The following XIST variants were observed in gnomAD, a reference collection of about 807,000 sequenced individuals.
The protein encoded by XIST is X inactive specific transcript (non-protein coding).
At chrX:73,850,819 G>A (rs1311718481) in exon 1 of XIST, 2 of 515,323 alleles carry the variant, frequency 3.9e-6, no homozygotes, top group South Asian at 2.5e-5. Context: ...AGGAATGGAG[G>A]GAGGTTCAGA....
At chrX:73,827,611 TA>T in exon 6 of XIST, 1 of 547,348 alleles carries the variant, frequency 1.8e-6, no homozygotes, top group Non-Finnish European at 3.3e-6. Context: ...AGGTGAAATT[TA>T]AAACGAACGA....
chrX:73,845,136 G>A (rs754210387), exon 1 of XIST: 1 of 554,954 alleles, frequency 1.8e-6, no homozygotes, highest in East Asian at 3.3e-5. Context: ...GCATGGTTGT[G>A]GTCACATACA....
chrX:73,829,911 A>G (rs1206573816), intron 4 of XIST, among the ~76,000 whole-genome samples: 1 of 110,670 alleles, frequency 9.0e-6, no homozygotes, highest in Non-Finnish European at 1.9e-5. Context: ...AGGGAAAAAC[A>G]TAAGGTCTTC....
exon 1 of XIST, chrX:73,842,373 G>A (rs1307790844): frequency 1.8e-6 from 1 of 550,863 alleles, no homozygotes; most frequent in South Asian, 2.3e-5. Context: ...ATAAAGGATG[G>A]CAATCCAGCT....
chrX:73,822,665 G>GT (rs1922150864), exon 6 of XIST: 1 of 529,095 alleles, frequency 1.9e-6, no homozygotes, highest in African/African-American at 2.3e-5. Context: ...TTGATGAAGA[G>GT]TATCACTTCA....
At chrX:73,829,389 C>T (rs73486562) in intron 4 of XIST, 204 of 411,740 alleles carry the variant, frequency 5.0e-4, no homozygotes, top group African/African-American at 4.6e-3. Flanking sequence ...AGAAAATTTC[C>T]TCATTCAACA....
exon 6 of XIST, chrX:73,824,613 G>A (rs760727032): frequency 3.6e-6 from 2 of 553,447 alleles, no homozygotes; most frequent in Non-Finnish European, 6.5e-6. Context: ...GAATTTTGTA[G>A]AGACAATACC....
At chrX:73,846,043 T>C (rs760422150) in exon 1 of XIST, 10 of 554,566 alleles carry the variant, frequency 1.8e-5, no homozygotes, top group Admixed American at 1.1e-4. Context: ...TGCACCTTGA[T>C]TGTCCAAACG....
At chrX:73,827,792 G>C (rs1476409008) in exon 6 of XIST, 2 of 537,150 alleles carry the variant, frequency 3.7e-6, no homozygotes, top group East Asian at 6.7e-5. Context: ...AGAGCAAAGA[G>C]AAATAGCAAC....
At chrX:73,841,481 G>A (rs781087092) in exon 1 of XIST, 6 of 557,657 alleles carry the variant, frequency 1.1e-5, no homozygotes, top group South Asian at 6.7e-5. Context: ...ATCCTTCTCC[G>A]AGAAACAATA....
At chrX:73,827,116 C>T in exon 6 of XIST, 1 of 558,732 alleles carries the variant, frequency 1.8e-6, no homozygotes, top group Non-Finnish European at 3.2e-6. Context: ...TATGAGCCTT[C>T]CACCTTCTGC....
At chrX:73,827,338 G>C (rs377405460) in exon 6 of XIST, 38 of 556,577 alleles carry the variant, frequency 6.8e-5, no homozygotes, top group African/African-American at 4.5e-4. Context: ...TATTTAAGGA[G>C]AGATTACATG....
chrX:73,850,067 C>A, exon 1 of XIST: 1 of 558,800 alleles, frequency 1.8e-6, no homozygotes, highest in East Asian at 3.2e-5. Context: ...GGTGATTAGT[C>A]AATTAGTGCA....
rs774575653 is a variant in XIST, at chrX:73,842,824, A to G, written n.9900T>C. ...AAAGGGGCAGGGCAGAGGGAAGGGA[A>G]GAGGGAGACAGCACAATCTTACCTA... is the stretch of plus-strand genomic sequence containing the variant. On this transcript the variant is annotated non_coding_transcript_exon_variant, in exon 1 of 6. Coordinates refer to ENST00000429829, the Ensembl canonical transcript of XIST. 2.7e-4 allele frequency: 151 copies of G among 556,486 alleles called. 1 individual carries two copies. Among genetic ancestry groups the G allele is most frequent in the South Asian group, 1.9e-3 (85 of 44,763 alleles). 45.9% of individuals were successfully genotyped at this position (556,486 alleles called of 1,213,427 possible). A position where few individuals can be genotyped will look rare whatever the true frequency, so the allele number is the denominator to read the frequency against.
At chrX:73,825,767 C>G (rs1185657430) in exon 6 of XIST, 1 of 517,053 alleles carries the variant, frequency 1.9e-6, no homozygotes, top group South Asian at 2.4e-5. Context: ...TTACACTGCA[C>G]TTTCAAATGT....
chrX:73,827,830 G>C (rs770870167), exon 6 of XIST: 2 of 530,128 alleles, frequency 3.8e-6, no homozygotes, highest in African/African-American at 2.3e-5. Context: ...ATATGTCTAA[G>C]ACAAGACACA....
intron 4 of XIST, chrX:73,829,300 G>T: frequency 2.1e-6 from 1 of 468,172 alleles, no homozygotes; most frequent in South Asian, 3.3e-5. Flanking sequence ...AGTTACATAA[G>T]ATTCAAATTA....
rs752143298 is a variant in XIST, at chrX:73,824,859, C to T, written n.15042G>A. ...GATTGTTTAAAATTAAGCAATATAT[C>T]ATTCCTTACATCTGAATAGTATAGA... On this transcript the variant is annotated non_coding_transcript_exon_variant, in exon 6 of 6. Coordinates refer to ENST00000429829, the Ensembl canonical transcript of XIST. 4 of 555,689 alleles carry T rather than the reference C, an allele frequency of 7.2e-6. No homozygotes were observed. In the Admixed American group the frequency reaches 8.9e-5, roughly 12 times the overall value. 45.8% of individuals were successfully genotyped at this position (555,689 alleles called of 1,213,427 possible). A position where few individuals can be genotyped will look rare whatever the true frequency, so the allele number is the denominator to read the frequency against.
exon 1 of XIST, chrX:73,844,798 T>C: frequency 3.6e-6 from 2 of 556,343 alleles, no homozygotes; most frequent in Non-Finnish European, 6.5e-6. Context: ...TCAGATGAGA[T>C]AGGCCGTGTG....
Sources: allele counts gnomAD v4.1 joint callset (sites outside exome capture counted in the v4.1 genomes callset), GRCh38; gene constraint gnomAD v4.1.1; transcripts MANE v1.5; gene names NCBI Gene and HGNC (gene_info 2026-07-23, HGNC 2026-07-21).